Variants in CSMD3 observed in about 807,000 individuals in gnomAD.
CSMD3 encodes CUB and sushi domain-containing protein 3.
CSMD3 carries 177 observed loss-of-function variants against 435.2 expected under a neutral mutation model. The ratio of observed to expected loss-of-function variants is 0.41; its 90% confidence interval spans 0.36 to 0.46. The LOEUF (loss-of-function observed/expected upper bound fraction) is 0.46. Among genes scored for constraint, CSMD3 ranks in the 20% least tolerant of loss-of-function variants. The pLI is 0.34. For missense variants in CSMD3, 4,265 were observed against 4,504.6 expected, an observed-to-expected ratio of 0.95 and a Z score of 1.52; for synonymous variants, 1,656 against 1,520.5, an observed-to-expected ratio of 1.09 and a Z score of -2.07.
chr8:112,945,010 C>T (rs1245339622), intron 9 of CSMD3, among the ~76,000 whole-genome samples: 1 of 151,618 alleles, frequency 6.6e-6, no homozygotes, highest in Admixed American at 6.6e-5. Context: ...AATCACTTAA[C>T]ATATCTGCCT....
In CSMD3 at chr8:112,492,483, C is replaced by T. The variant is rs562101439; in HGVS notation, c.5278+6G>A. On this transcript the variant is annotated splice_donor_region_variant and intron_variant, in intron 31 of 70. Coordinates refer to ENST00000297405, the MANE Select transcript of CSMD3 (RefSeq NM_198123.2). ...TGAAAATTCAGCCAAAAAATATGTT[C>T]CTTACCATGACAACTTGGCAAGGCT... The T allele has an allele frequency of 6.2e-7, 1 of 1,611,924 alleles. No homozygotes were observed. Among genetic ancestry groups the T allele is most frequent in the Admixed American group, 1.7e-5 (1 of 59,964 alleles).
intron 22 of CSMD3, among the ~76,000 whole-genome samples, chr8:112,588,928 G>A (rs962763729): frequency 6.6e-6 from 1 of 152,058 alleles, no homozygotes; most frequent in Non-Finnish European, 1.5e-5. Flanking sequence ...ATACAGGTAT[G>A]TTTGTGGAGG....
In CSMD3 at chr8:112,448,012, G is replaced by C. The variant is rs559443207; in HGVS notation, c.5395+24579C>G. On this transcript the variant is annotated intron_variant, in intron 32 of 70. Transcript: ENST00000297405. The stretch of plus-strand genomic sequence containing the variant: ...ATCAAGTTTAGATGAGGCCATACTA[G>C]ACCAGGCTGTGTATTAGTTAGCTCA... Among the ~76,000 whole-genome samples the C allele has an allele frequency of 2.6e-5, 4 of 152,258 alleles. No individual in the cohort carries two copies. In the East Asian group the frequency reaches 7.7e-4, roughly 29 times the overall value.
chr8:113,363,595 G>A (rs1391995621), intron 1 of CSMD3, among the ~76,000 whole-genome samples: 7 of 152,024 alleles, frequency 4.6e-5, no homozygotes, highest in South Asian at 2.1e-4. Context: ...GCTTGCTTTC[G>A]TGGCTGCTTC....
intron 7 of CSMD3, among the ~76,000 whole-genome samples, chr8:112,971,357 A>T (rs1317049739): frequency 6.6e-6 from 1 of 152,136 alleles, no homozygotes; most frequent in Non-Finnish European, 1.5e-5. Flanking sequence ...TGGGAATTGA[A>T]CTTATTGCTC....
At chr8:112,554,729 TA>T (rs1827971464) in intron 25 of CSMD3, among the ~76,000 whole-genome samples, 1 of 151,974 alleles carries the variant, frequency 6.6e-6, no homozygotes, top group Non-Finnish European at 1.5e-5. Context: ...GTTTGCAGAA[TA>T]AAATGAAATT....
intron 2 of CSMD3, among the ~76,000 whole-genome samples, chr8:113,292,590 C>T (rs765759090): frequency 6.6e-6 from 1 of 151,754 alleles, no homozygotes; most frequent in South Asian, 2.1e-4. Flanking sequence ...ACAATTTACA[C>T]ACAAAAGTAT....
chr8:112,697,340 A>G (rs1186578141), intron 13 of CSMD3, among the ~76,000 whole-genome samples: 3 of 152,172 alleles, frequency 2.0e-5, no homozygotes, highest in Non-Finnish European at 1.5e-5. Context: ...ATGTCCATCA[A>G]TGATAGACTG....
chr8:112,585,925 CCAAA>C (rs1271639436), intron 23 of CSMD3, among the ~76,000 whole-genome samples: 1 of 151,558 alleles, frequency 6.6e-6, no homozygotes, highest in East Asian at 1.9e-4. Flanking sequence ...ACAGAAACAC[CCAAA>C]CAATGAACTA....
In CSMD3 at chr8:112,625,761, A is replaced by G. The variant is rs200680412; in HGVS notation, c.3715+11056T>C. 2.0e-5 allele frequency among the ~76,000 whole-genome samples: 3 copies of G among 152,086 alleles called. No homozygotes were observed. In the East Asian group the frequency reaches 5.8e-4, roughly 29 times the overall value. ...CCAGAAAAGTAGTTTGGGGGAGGTA[A>G]ATAATCCCCTAACTCCTTTTGAAAA... On this transcript the variant is annotated intron_variant, in intron 22 of 70. Coordinates refer to ENST00000297405, the MANE Select transcript of CSMD3 (RefSeq NM_198123.2).
At chr8:112,820,716 G>A (rs1028227965) in intron 12 of CSMD3, among the ~76,000 whole-genome samples, 10 of 150,778 alleles carry the variant, frequency 6.6e-5, no homozygotes, top group South Asian at 2.1e-4. Context: ...AGGTATACAC[G>A]TGCCATGGTG....
chr8:113,238,088 A>AG (rs1035882144), intron 3 of CSMD3, among the ~76,000 whole-genome samples: 1 of 151,834 alleles, frequency 6.6e-6, no homozygotes, highest in Non-Finnish European at 1.5e-5. Flanking sequence ...AAAAAAAAAA[A>AG]AAAAAGGTGG....
At chr8:112,875,542 C>T (rs2081258724) in intron 10 of CSMD3, among the ~76,000 whole-genome samples, 1 of 152,176 alleles carries the variant, frequency 6.6e-6, no homozygotes, top group Non-Finnish European at 1.5e-5. Flanking sequence ...CTCCCTGTCA[C>T]TTTCATGTAC....
chr8:112,457,422 T>A (rs1563560497), intron 32 of CSMD3, among the ~76,000 whole-genome samples: 6 of 152,140 alleles, frequency 3.9e-5, no homozygotes, highest in Admixed American at 3.9e-4. Context: ...AAAGGTATAA[T>A]GCTACTAGAA....
chr8:112,941,774 T>A (rs1049314779), intron 9 of CSMD3, among the ~76,000 whole-genome samples: 3 of 151,730 alleles, frequency 2.0e-5, no homozygotes, highest in African/African-American at 7.2e-5. Flanking sequence ...TCTTTATTTT[T>A]AATTTTAATA....
chr8:113,335,828 G>A (rs1014808420), intron 1 of CSMD3, among the ~76,000 whole-genome samples: 14 of 151,754 alleles, frequency 9.2e-5, no homozygotes, highest in South Asian at 4.2e-4. Flanking sequence ...ACCTATAAGC[G>A]TGGAGCCCTT....
At chr8:112,477,130 A>T (rs1819132856) in intron 31 of CSMD3, among the ~76,000 whole-genome samples, 1 of 152,232 alleles carries the variant, frequency 6.6e-6, no homozygotes, top group South Asian at 2.1e-4. Flanking sequence ...AAATTATCTC[A>T]GAAAAAATTA....
chr8:113,122,509 G>A (rs1460630492), intron 4 of CSMD3, among the ~76,000 whole-genome samples: 1 of 152,090 alleles, frequency 6.6e-6, no homozygotes, highest in African/African-American at 2.4e-5. Context: ...TAAGGCTACT[G>A]ATGAAATTAT....
intron 13 of CSMD3, among the ~76,000 whole-genome samples, chr8:112,704,133 C>T (rs140254368): frequency 6.6e-6 from 1 of 151,978 alleles, no homozygotes; most frequent in African/African-American, 2.4e-5. Context: ...CTAAAAAATA[C>T]ATATTTAATT....
Sources: allele counts gnomAD v4.1 joint callset (sites outside exome capture counted in the v4.1 genomes callset), GRCh38; gene constraint gnomAD v4.1.1; transcripts MANE v1.5; gene names NCBI Gene and HGNC (gene_info 2026-07-23, HGNC 2026-07-21).